The following PRKG1 variants were observed in gnomAD, a reference collection of about 807,000 sequenced individuals.
PRKG1 encodes the protein protein kinase cGMP-dependent 1.
Under a neutral mutation model 88.1 loss-of-function variants are expected in PRKG1, and 35 were observed. The observed-to-expected ratio is 0.40, with a 90% CI of 0.30 to 0.53. The LOEUF is 0.53. Ranked by LOEUF, PRKG1 falls within the 20% of genes least tolerant of loss-of-function variation. The pLI is 0.59. For synonymous variants in PRKG1, 303 were observed against 292.5 expected (o/e 1.04, Z -0.37); for missense variants, 540 against 839.8 (o/e 0.64, Z 4.41).
At chr10:52,279,773 CATGTT>C (rs1358925436) in intron 12 of PRKG1, among the ~76,000 whole-genome samples, 1 of 152,012 alleles carries the variant, frequency 6.6e-6, no homozygotes, top group Non-Finnish European at 1.5e-5. Flanking sequence ...GCTTGTCACT[CATGTT>C]ATATCTCAAC....
chr10:51,627,085 T>C (rs1839355091), intron 3 of PRKG1, among the ~76,000 whole-genome samples: 1 of 152,092 alleles, frequency 6.6e-6, no homozygotes, highest in Admixed American at 6.5e-5. Flanking sequence ...GGAAGCAAGG[T>C]AGGGCACTTA....
Position 50,991,947 on chromosome 10 carries a change from T to A in PRKG1, c.266+303T>A, listed in dbSNP as rs576227897. Among the ~76,000 whole-genome samples the A allele has an allele frequency of 3.3e-4, 50 of 152,132 alleles. 4 individuals carry two copies. The East Asian group carries it at 9.5e-3, about 29-fold the overall frequency. On this transcript the variant is annotated intron_variant, in intron 1 of 17. Coordinates refer to the PRKG1 transcript ENST00000401604. The surrounding 1 kb of genome is among the most constrained non-coding windows in gnomAD (Gnocchi z 4.5). ...TACTCGCGCGGGCTAACTTGTGCCC[T>A]CCACACATGGCTGCAGTCGCGCGGC...
intron 9 of PRKG1, among the ~76,000 whole-genome samples, chr10:52,230,242 C>A (rs566778228): frequency 6.6e-6 from 1 of 152,298 alleles, no homozygotes; most frequent in African/African-American, 2.4e-5. Flanking sequence ...AAGCAACTCT[C>A]ATACCTAGAT....
At chr10:51,966,309 GA>G (rs1184601717) in intron 5 of PRKG1, among the ~76,000 whole-genome samples, 1 of 151,922 alleles carries the variant, frequency 6.6e-6, no homozygotes, top group Non-Finnish European at 1.5e-5. Flanking sequence ...GCTTAGTGAG[GA>G]ACCTTCTGAG....
intron 5 of PRKG1, among the ~76,000 whole-genome samples, chr10:52,018,764 T>C (rs1845107673): frequency 6.6e-6 from 1 of 152,154 alleles, no homozygotes; most frequent in African/African-American, 2.4e-5. Context: ...GGAAGATACA[T>C]TGAATTCAAC....
intron 5 of PRKG1, among the ~76,000 whole-genome samples, chr10:52,037,593 C>T (rs1448983550): frequency 3.9e-5 from 6 of 152,124 alleles, no homozygotes; most frequent in East Asian, 3.9e-4. Context: ...AGAGCCTAAA[C>T]GCTATCTGAT....
At chr10:52,237,402 T>C (rs1436565062) in intron 9 of PRKG1, among the ~76,000 whole-genome samples, 1 of 124,984 alleles carries the variant, frequency 8.0e-6, no homozygotes, top group Non-Finnish European at 1.6e-5. Flanking sequence ...GACGACATGA[T>C]TGTATATCTA....
chr10:52,087,635 A>G (rs1452895104), intron 7 of PRKG1, among the ~76,000 whole-genome samples: 1 of 152,192 alleles, frequency 6.6e-6, no homozygotes, highest in Non-Finnish European at 1.5e-5. Flanking sequence ...ATACTTTAAT[A>G]TTTTGTGCTA....
At chr10:52,256,311 C>T (rs993953489) in intron 10 of PRKG1, among the ~76,000 whole-genome samples, 1 of 138,632 alleles carries the variant, frequency 7.2e-6, no homozygotes, top group Non-Finnish European at 1.6e-5. Flanking sequence ...CAGAGGCTCC[C>T]CTTTCTCTAA....
intron 12 of PRKG1, 105 bp from the exon 13 acceptor site, chr10:52,280,684 G>A: frequency 1.6e-6 from 2 of 1,242,864 alleles, no homozygotes; most frequent in East Asian, 2.5e-5. Flanking sequence ...GTGATCTCTG[G>A]GTTAAATTTT....
chr10:51,089,391 T>C (rs1452168795), intron 1 of PRKG1, among the ~76,000 whole-genome samples: 1 of 152,224 alleles, frequency 6.6e-6, no homozygotes, highest in Non-Finnish European at 1.5e-5. Flanking sequence ...AATTTAGATA[T>C]AATTTTTACT....
intron 3 of PRKG1, among the ~76,000 whole-genome samples, chr10:51,764,023 T>A (rs1838092412): frequency 6.6e-6 from 1 of 152,210 alleles, no homozygotes; most frequent in South Asian, 2.1e-4. Flanking sequence ...GACTCAATCA[T>A]CTCTTAAAGG....
In PRKG1 at chr10:52,251,567, C is replaced by T. The variant is rs1446601566; in HGVS notation, c.1077-3C>T. 1 of 1,612,496 alleles carries T rather than the reference C, an allele frequency of 6.2e-7. No homozygotes were observed. Among genetic ancestry groups the T allele is most frequent in the South Asian group, 1.1e-5 (1 of 91,040 alleles). ...TTCCATTTTTTCACATCAAAAAATC[C>T]AGATATGAAGCTGAAGCGGCTTTCT... On this transcript the variant is annotated splice_polypyrimidine_tract_variant and splice_region_variant and intron_variant, in intron 9 of 17. Coordinates refer to ENST00000373980, the MANE Select transcript of PRKG1 (RefSeq NM_006258.4).
intron 3 of PRKG1, among the ~76,000 whole-genome samples, chr10:51,562,786 A>G (rs950487784): frequency 1.3e-5 from 2 of 151,972 alleles, no homozygotes; most frequent in African/African-American, 2.4e-5. Flanking sequence ...TTATTTATTT[A>G]GAGACAGAGT....
chr10:51,507,357 T>A (rs1841251161), intron 3 of PRKG1, among the ~76,000 whole-genome samples: 2 of 151,922 alleles, frequency 1.3e-5, no homozygotes, highest in Non-Finnish European at 2.9e-5. Flanking sequence ...GAAAAAGATA[T>A]GTCAGGTCTT....
chr10:52,015,674 C>T lies in PRKG1; in HGVS notation c.763-38810C>T, dbSNP rs150383083. Among the ~76,000 whole-genome samples the T allele has an allele frequency of 1.4e-4, 21 of 152,290 alleles. 1 individual carries two copies. In the East Asian group the frequency reaches 3.9e-3, roughly 28 times the overall value. On this transcript the variant is annotated intron_variant, in intron 5 of 17. Transcript: ENST00000373980. ...AAATTTTTCAAACCTTTATGCTTTG[C>T]TTTCCTTTTAAACATAAGTTCCAAT...
At chr10:51,084,009 C>G (rs550551156) in intron 1 of PRKG1, among the ~76,000 whole-genome samples, 5 of 152,102 alleles carry the variant, frequency 3.3e-5, no homozygotes, top group Non-Finnish European at 5.9e-5. Flanking sequence ...TAAAAATAAT[C>G]TTAGAATCGG....
chr10:51,524,846 G>C (rs1162301892), intron 3 of PRKG1, among the ~76,000 whole-genome samples: 1 of 152,094 alleles, frequency 6.6e-6, no homozygotes, highest in African/African-American at 2.4e-5. Flanking sequence ...TGGTACGAAG[G>C]CTCACACAAA....
At chr10:51,968,820 C>CAAAAAA (rs56810665) in intron 5 of PRKG1, among the ~76,000 whole-genome samples, 15 of 105,444 alleles carry the variant, frequency 1.4e-4, no homozygotes, top group Non-Finnish European at 2.4e-4. Context: ...AAAACTCCAT[C>CAAAAAA]AAAAAAAAAA....
Sources: allele counts gnomAD v4.1 joint callset (sites outside exome capture counted in the v4.1 genomes callset), GRCh38; gene constraint gnomAD v4.1.1; non-coding constraint Gnocchi (gnomAD v3.1); transcripts MANE v1.5; gene names NCBI Gene and HGNC (gene_info 2026-07-23, HGNC 2026-07-21).